Variants in SND1 observed in about 807,000 individuals in gnomAD.
The protein encoded by SND1 is staphylococcal nuclease and tudor domain containing 1.
Under a neutral mutation model 121.7 loss-of-function variants are expected in SND1, and 38 were observed. That is an observed-to-expected ratio of 0.31 (90% CI 0.24 to 0.41). The LOEUF is 0.41. SND1 is among the 10% of genes least tolerant of loss of function. SND1 has a pLI of 1.00. For synonymous variants in SND1, 401 were observed against 447.4 expected (o/e 0.90, Z 1.31); for missense variants, 868 against 1,184.6 (o/e 0.73, Z 3.92).
Position 127,737,841 on chromosome 7 carries a change from C to G in SND1, c.1152+16441C>G, listed in dbSNP as rs572632178. The stretch of plus-strand genomic sequence containing the variant: ...TTTTGATTTTTGGATTAGGGATACT[C>G]AACCTGTATAACCTAGAGTCCGCAT... On this transcript the variant is annotated intron_variant, in intron 10 of 23. Transcript: ENST00000354725. Among the ~76,000 whole-genome samples, 5 of 152,282 alleles carry G rather than the reference C, an allele frequency of 3.3e-5. No individual in the cohort carries two copies. In the South Asian group the frequency reaches 1.0e-3, roughly 32 times the overall value.
intron 16 of SND1, chr7:128,042,484 G>A (rs1402650270): frequency 6.6e-6 from 1 of 152,344 alleles, no homozygotes; most frequent in East Asian, 1.9e-4. Flanking sequence ...AAAGGGGGGA[G>A]ATGAACATGA....
At chr7:127,884,482 G>A (rs1266686571) in intron 12 of SND1, among the ~76,000 whole-genome samples, 1 of 152,138 alleles carries the variant, frequency 6.6e-6, no homozygotes, top group Non-Finnish European at 1.5e-5. Flanking sequence ...CAATAGCGGA[G>A]CGCAACAGAG....
At chr7:127,705,587 GTAGATGTAGATGTA>G (rs1796176339) in intron 8 of SND1, among the ~76,000 whole-genome samples, 1 of 60,346 alleles carries the variant, frequency 1.7e-5, no homozygotes, top group Non-Finnish European at 4.0e-5. Context: ...AGATGCAGAT[GTAGATGTAGATGTA>G]GATGTAGATG....
chr7:128,078,692 G>C lies in SND1; in HGVS notation c.1969-2668G>C, dbSNP rs567192357. 3.3e-5 allele frequency among the ~76,000 whole-genome samples: 5 copies of C among 152,364 alleles called. No homozygotes were observed. The South Asian group carries it at 8.3e-4, about 25-fold the overall frequency. On this transcript the variant is annotated intron_variant, in intron 17 of 23. Coordinates refer to ENST00000354725, the MANE Select transcript of SND1 (RefSeq NM_014390.4). The stretch of plus-strand genomic sequence containing the variant: ...GCTGTCACCCAAGGCACTTTTACTT[G>C]AGGAGTCTTTAGCAGTTTCTGCTTT...
intron 10 of SND1, among the ~76,000 whole-genome samples, chr7:127,770,396 G>C (rs1269506206): frequency 1.3e-5 from 2 of 152,170 alleles, no homozygotes; most frequent in Non-Finnish European, 2.9e-5. Flanking sequence ...TACATAGCTT[G>C]ATATTGCTGT....
chr7:127,905,698 C>G (rs772985573), intron 14 of SND1, among the ~76,000 whole-genome samples: 3 of 152,080 alleles, frequency 2.0e-5, no homozygotes, highest in African/African-American at 7.2e-5. Context: ...TCTCTGTTGC[C>G]AAGACACATA....
intron 10 of SND1, among the ~76,000 whole-genome samples, chr7:127,797,189 G>A (rs944639525): frequency 3.9e-4 from 60 of 152,044 alleles, no homozygotes; most frequent in African/African-American, 1.3e-3. Context: ...CGCTGTGCCC[G>A]GGCTATTTTG....
intron 10 of SND1, among the ~76,000 whole-genome samples, chr7:127,782,060 A>C (rs1010298979): frequency 3.3e-5 from 5 of 152,180 alleles, no homozygotes; most frequent in Non-Finnish European, 7.3e-5. Context: ...GTTAGGTTGC[A>C]TATCTTTGAG....
At chr7:128,090,515 C>G (rs113771794) in intron 22 of SND1, among the ~76,000 whole-genome samples, 225 of 152,312 alleles carry the variant, frequency 1.5e-3, no homozygotes, top group African/African-American at 4.8e-3. Flanking sequence ...CTCGGGCCCC[C>G]GACAGAGCTG....
In SND1 at chr7:128,074,589, G is replaced by T. The variant is rs1258575368; in HGVS notation, c.1867G>T (p.Val623Leu). Residue 623 changes from valine to leucine, a missense_variant, in exon 17 of 24, where the codon GTG becomes TTG. Around this residue, in one of 2 missense-constraint regions of SND1, gnomAD observed 743 missense variants for 1,071.3 expected, o/e 0.69. Transcript: ENST00000354725. ...IDGANLSVLL[V>L]EHALSKVHFT... ...CGGTGCCAACCTGTCCGTCCTGCTG[G>T]TGGAGCACGCGCTCTCCAAGGTCCA... is the stretch of plus-strand genomic sequence containing the variant. The T allele has an allele frequency of 3.9e-5, 63 of 1,613,712 alleles. 1 individual carries two copies. In the Admixed American group the frequency reaches 1.0e-3, roughly 26 times the overall value.
chr7:127,713,597 G>A (rs1055648320), intron 9 of SND1, among the ~76,000 whole-genome samples: 4 of 152,142 alleles, frequency 2.6e-5, no homozygotes, highest in African/African-American at 9.7e-5. Context: ...ACAGGGCCCC[G>A]CTAAAAGCCT....
chr7:127,943,585 C>A (rs141310767), intron 15 of SND1, among the ~76,000 whole-genome samples: 8 of 152,232 alleles, frequency 5.3e-5, no homozygotes, highest in African/African-American at 1.4e-4. Flanking sequence ...CAAAGTTGTT[C>A]TCTAGAAACT....
chr7:127,786,147 A>G (rs1470882494), intron 10 of SND1, among the ~76,000 whole-genome samples: 1 of 152,020 alleles, frequency 6.6e-6, no homozygotes, highest in Non-Finnish European at 1.5e-5. Flanking sequence ...TTATCCTTAA[A>G]GACCCAGGGT....
intron 16 of SND1, among the ~76,000 whole-genome samples, chr7:128,060,549 C>T (rs931956486): frequency 1.3e-5 from 2 of 152,350 alleles, no homozygotes; most frequent in African/African-American, 4.8e-5. Flanking sequence ...CTTCCTCCTC[C>T]CTGCTCCTTA....
chr7:127,747,390 T>C (rs1231254771), intron 10 of SND1, among the ~76,000 whole-genome samples: 4 of 152,220 alleles, frequency 2.6e-5, no homozygotes, highest in Admixed American at 2.6e-4. Context: ...TGAAGTACTT[T>C]CTGCTTCTGC....
intron 15 of SND1, among the ~76,000 whole-genome samples, chr7:127,977,021 A>C (rs182172062): frequency 1.3e-5 from 2 of 151,898 alleles, no homozygotes; most frequent in African/African-American, 4.8e-5. Context: ...GAAAAGTCCA[A>C]CTCTGCCTGG....
chr7:127,720,466 C>G (rs995425055), intron 9 of SND1, among the ~76,000 whole-genome samples: 1 of 152,246 alleles, frequency 6.6e-6, no homozygotes, highest in African/African-American at 2.4e-5. Context: ...ATTATGCGTT[C>G]TAGCTACAAC....
At chr7:127,912,435 G>A (rs1047309510) in intron 14 of SND1, among the ~76,000 whole-genome samples, 1 of 152,072 alleles carries the variant, frequency 6.6e-6, no homozygotes, top group Non-Finnish European at 1.5e-5. Flanking sequence ...GGGCTGTTTT[G>A]CATCTTTGTA....
chr7:127,802,681 A>C (rs1025702117), intron 10 of SND1, among the ~76,000 whole-genome samples: 1 of 152,056 alleles, frequency 6.6e-6, no homozygotes, highest in Non-Finnish European at 1.5e-5. Flanking sequence ...GCTGGGTCCA[A>C]ACTCCATGTT....
Sources: allele counts gnomAD v4.1 joint callset (sites outside exome capture counted in the v4.1 genomes callset), GRCh38; gene constraint gnomAD v4.1.1; regional missense constraint gnomAD v4.1.1; transcripts MANE v1.5; gene names NCBI Gene and HGNC (gene_info 2026-07-23, HGNC 2026-07-21).